LRRC4C: variants seen among roughly 807,000 people sequenced by gnomAD.
LRRC4C encodes leucine rich repeat containing 4C.
In LRRC4C, 5 loss-of-function variants were observed where a neutral mutation model predicts 33.6. The observed-to-expected ratio is 0.15, with a 90% CI of 0.08 to 0.31. The LOEUF (loss-of-function observed/expected upper bound fraction) is 0.31, where lower values mean the gene tolerates loss of function less well. Among genes scored for constraint, LRRC4C ranks in the 10% least tolerant of loss-of-function variants. LRRC4C has a pLI of 1.00. For missense variants in LRRC4C, 560 were observed against 796.7 expected, an observed-to-expected ratio of 0.70 and a Z score of 3.58; for synonymous variants, 329 against 302.0, an observed-to-expected ratio of 1.09 and a Z score of -0.93.
At chr11:40,969,485 T>C (rs995451528) in intron 1 of LRRC4C, among the ~76,000 whole-genome samples, 1 of 149,298 alleles carries the variant, frequency 6.7e-6, no homozygotes, top group African/African-American at 2.5e-5. Flanking sequence ...AACTATTTCA[T>C]GAAAGGTAGT....
intron 2 of LRRC4C, among the ~76,000 whole-genome samples, chr11:40,826,190 T>A (rs1234327882): frequency 6.6e-6 from 1 of 152,022 alleles, no homozygotes. Context: ...TACTTAATCA[T>A]GGAAATTTAA....
At chr11:41,305,528 C>T (rs1239869821) in intron 1 of LRRC4C, among the ~76,000 whole-genome samples, 3 of 50,712 alleles carry the variant, frequency 5.9e-5, no homozygotes, top group Admixed American at 2.7e-4. Context: ...AAGAAGTAGA[C>T]ATGGGAGACT....
intron 3 of LRRC4C, among the ~76,000 whole-genome samples, chr11:40,524,726 T>G (rs1372086173): frequency 6.6e-6 from 1 of 152,194 alleles, no homozygotes; most frequent in Non-Finnish European, 1.5e-5. Flanking sequence ...ATTTGTTTGT[T>G]CATTCAAAAT....
chr11:41,447,126 T>C (rs1057061417), intron 1 of LRRC4C, among the ~76,000 whole-genome samples: 3 of 152,056 alleles, frequency 2.0e-5, no homozygotes, highest in African/African-American at 7.2e-5. Context: ...TCTGGTAGAG[T>C]ATAAGCTCCT....
intron 3 of LRRC4C, among the ~76,000 whole-genome samples, chr11:40,644,668 C>T (rs117828123): frequency 0.024 from 3,581 of 152,282 alleles, 64 homozygotes; most frequent in Non-Finnish European, 0.037. Context: ...CCATAAGCCA[C>T]ATACTGTGTG....
At chr11:41,023,229 C>T (rs1688719137) in intron 1 of LRRC4C, among the ~76,000 whole-genome samples, 1 of 151,602 alleles carries the variant, frequency 6.6e-6, no homozygotes, top group African/African-American at 2.4e-5. Flanking sequence ...ATCATATTAA[C>T]AAATTTAAAT....
intron 5 of LRRC4C, among the ~76,000 whole-genome samples, chr11:40,217,616 TG>T (rs1173204915): frequency 6.6e-6 from 1 of 152,172 alleles, no homozygotes; most frequent in African/African-American, 2.4e-5. Context: ...ATAGTATGTA[TG>T]TATAAAACAA....
intron 1 of LRRC4C, among the ~76,000 whole-genome samples, chr11:41,046,654 T>C (rs1857795812): frequency 1.3e-5 from 2 of 152,136 alleles, no homozygotes; most frequent in Admixed American, 1.3e-4. Flanking sequence ...AGGTTGACCA[T>C]TGTGAATTAA....
chr11:40,735,818 C>T (rs1947834758), intron 2 of LRRC4C, among the ~76,000 whole-genome samples: 1 of 150,352 alleles, frequency 6.7e-6, no homozygotes, highest in South Asian at 2.1e-4. Context: ...TCTCCAGCAC[C>T]TGTTGTTTCC....
At chr11:41,439,957 C>T (rs540875532) in intron 1 of LRRC4C, among the ~76,000 whole-genome samples, 122 of 152,252 alleles carry the variant, frequency 8.0e-4, no homozygotes, top group African/African-American at 2.8e-3. Context: ...TGTATGTTTA[C>T]TCTGTTATTT....
chr11:41,046,572 A>C (rs1382596430), intron 1 of LRRC4C, among the ~76,000 whole-genome samples: 1 of 152,162 alleles, frequency 6.6e-6, no homozygotes. Context: ...ATTTCAGAAC[A>C]ACTCTTTAGA....
chr11:40,543,754 T>C (rs12274082), intron 3 of LRRC4C, among the ~76,000 whole-genome samples: 16,247 of 152,126 alleles, frequency 0.11, 1,854 homozygotes, highest in African/African-American at 0.29. Flanking sequence ...CAGCTTATGG[T>C]CTTGGATTTT....
chr11:41,013,222 T>C (rs910825845), intron 1 of LRRC4C, among the ~76,000 whole-genome samples: 1 of 152,254 alleles, frequency 6.6e-6, no homozygotes, highest in Non-Finnish European at 1.5e-5. Context: ...TGAGCTTAAC[T>C]GAATCCGTGG....
intron 2 of LRRC4C, among the ~76,000 whole-genome samples, chr11:40,814,288 A>G (rs1462385444): frequency 1.3e-5 from 2 of 152,148 alleles, no homozygotes; most frequent in African/African-American, 2.4e-5. Context: ...GGTCAATACC[A>G]CATCAAAGCT....
At chr11:41,338,351 T>G (rs898038637) in intron 1 of LRRC4C, among the ~76,000 whole-genome samples, 1 of 152,094 alleles carries the variant, frequency 6.6e-6, no homozygotes, top group Admixed American at 6.6e-5. Context: ...CACCACAGAA[T>G]AGAATGTAGC....
At chr11:41,258,443 T>G (rs974664018) in intron 1 of LRRC4C, among the ~76,000 whole-genome samples, 1 of 152,016 alleles carries the variant, frequency 6.6e-6, no homozygotes, top group African/African-American at 2.4e-5. Context: ...AGATCTGATA[T>G]AATTTTAAAA....
intron 5 of LRRC4C, among the ~76,000 whole-genome samples, chr11:40,233,844 A>G (rs923081740): frequency 6.6e-6 from 1 of 152,222 alleles, no homozygotes; most frequent in Non-Finnish European, 1.5e-5. Context: ...AGATTAATTT[A>G]TATGTTATGC....
intron 3 of LRRC4C, among the ~76,000 whole-genome samples, chr11:40,366,487 T>A (rs1948214024): frequency 6.6e-6 from 1 of 151,968 alleles, no homozygotes; most frequent in Non-Finnish European, 1.5e-5. Context: ...AGGGAGATGG[T>A]GAGATTTCAG....
At chr11:41,396,157 A>T (rs11036382) in intron 1 of LRRC4C, among the ~76,000 whole-genome samples, 37,738 of 151,972 alleles carry the variant, frequency 0.25, 5,802 homozygotes, top group Admixed American at 0.36. Flanking sequence ...CCCGTTGCAG[A>T]TATTAGTTTA....
Sources: allele counts gnomAD v4.1 joint callset (sites outside exome capture counted in the v4.1 genomes callset), GRCh38; gene constraint gnomAD v4.1.1; transcripts MANE v1.5; gene names NCBI Gene and HGNC (gene_info 2026-07-23, HGNC 2026-07-21).